Variants in KAZN observed in about 807,000 individuals in gnomAD.
KAZN encodes the protein kazrin.
A neutral mutation model predicts 87.4 loss-of-function variants in KAZN; 40 were observed. The observed-to-expected ratio is 0.46, with a 90% CI of 0.36 to 0.60. KAZN has a LOEUF of 0.60. Among genes scored for constraint, KAZN ranks in the 20% least tolerant of loss-of-function variants. The probability of loss-of-function intolerance (pLI) is 0.00; values close to 1 mark genes in which losing one functional copy is unlikely to be tolerated. For missense variants in KAZN, 898 were observed against 1,073.9 expected, an observed-to-expected ratio of 0.84 and a Z score of 2.29; for synonymous variants, 466 against 458.3, an observed-to-expected ratio of 1.02 and a Z score of -0.22.
chr1:14,244,854 T>C (rs148866420), intron 2 of KAZN, among the ~76,000 whole-genome samples: 2 of 152,286 alleles, frequency 1.3e-5, no homozygotes, highest in African/African-American at 4.8e-5. Context: ...GCCTTGTTAA[T>C]CAGTGCAGAC....
At chr1:13,998,771 A>T (rs141731681) in intron 1 of KAZN, among the ~76,000 whole-genome samples, 1 of 152,172 alleles carries the variant, frequency 6.6e-6, no homozygotes, top group African/African-American at 2.4e-5. Flanking sequence ...ATACTGGGAA[A>T]CTTTAACACC....
chr1:15,050,064 G>GA (rs1557756656), intron 4 of KAZN, among the ~76,000 whole-genome samples: 3 of 79,556 alleles, frequency 3.8e-5, no homozygotes, highest in East Asian at 2.5e-3. Flanking sequence ...GGTAGGGTAG[G>GA]GTAGAGTAGA....
chr1:14,135,799 G>A (rs1179272836), intron 1 of KAZN, among the ~76,000 whole-genome samples: 1 of 152,180 alleles, frequency 6.6e-6, no homozygotes, highest in African/African-American at 2.4e-5. Flanking sequence ...TGTCGCTCAA[G>A]TTTAACATGT....
At chr1:14,668,035 A>G (rs1468436635) in intron 1 of KAZN, among the ~76,000 whole-genome samples, 7 of 152,182 alleles carry the variant, frequency 4.6e-5, no homozygotes, top group Admixed American at 4.6e-4. Context: ...TAGGAAGATT[A>G]CCAGGGAAAA....
At chr1:14,505,940 C>T (rs1670562452) in intron 2 of KAZN, among the ~76,000 whole-genome samples, 1 of 151,976 alleles carries the variant, frequency 6.6e-6, no homozygotes. Flanking sequence ...TGCCACTGTA[C>T]TCCAGCCTGG....
chr1:14,431,112 T>C (rs1023387693), intron 2 of KAZN, among the ~76,000 whole-genome samples: 3 of 152,192 alleles, frequency 2.0e-5, no homozygotes, highest in African/African-American at 7.2e-5. Flanking sequence ...ACCAAATGAA[T>C]ACGCATATTG....
At chr1:14,423,081 G>A (rs1242130084) in intron 2 of KAZN, among the ~76,000 whole-genome samples, 1 of 152,148 alleles carries the variant, frequency 6.6e-6, no homozygotes, top group African/African-American at 2.4e-5. Flanking sequence ...GCAACTTGTT[G>A]GAAGATCCGA....
chr1:14,209,482 C>T (rs1342103490), intron 2 of KAZN, among the ~76,000 whole-genome samples: 2 of 152,172 alleles, frequency 1.3e-5, no homozygotes, highest in African/African-American at 2.4e-5. Flanking sequence ...AATCTGCCTG[C>T]CCTTCACAAA....
chr1:15,085,060 G>C (rs1288615803), intron 8 of KAZN, among the ~76,000 whole-genome samples: 1 of 151,966 alleles, frequency 6.6e-6, no homozygotes, highest in African/African-American at 2.4e-5. Flanking sequence ...AAAAAATATA[G>C]CTGATAACAT....
chr1:15,069,981 C>T (rs1639433862), intron 8 of KAZN, among the ~76,000 whole-genome samples: 1 of 152,192 alleles, frequency 6.6e-6, no homozygotes, highest in Non-Finnish European at 1.5e-5. Flanking sequence ...GCACTTTACA[C>T]ATATTAACTC....
In KAZN at chr1:14,468,340, C is replaced by A. The variant is rs552239898; in HGVS notation, c.250-130643C>A. Among the ~76,000 whole-genome samples, 3 of 152,276 alleles carry A rather than the reference C, an allele frequency of 2.0e-5. No individual in the cohort carries two copies. The East Asian group carries it at 5.8e-4, about 29-fold the overall frequency. On this transcript the variant is annotated intron_variant, in intron 2 of 16. Coordinates refer to the KAZN transcript ENST00000636203. ...GAAAATGGAACCTCACATCAAGAAG[C>A]ACTTGCTCTGCATCAGGCCCCTTTA...
At chr1:14,031,456 CAG>C (rs1161544101) in intron 1 of KAZN, among the ~76,000 whole-genome samples, 2 of 152,214 alleles carry the variant, frequency 1.3e-5, no homozygotes, top group African/African-American at 4.8e-5. Context: ...TCCATGTAGA[CAG>C]AGAATGGTTC....
At chr1:14,138,388 C>A (rs1645155984) in intron 1 of KAZN, among the ~76,000 whole-genome samples, 1 of 152,102 alleles carries the variant, frequency 6.6e-6, no homozygotes, top group Non-Finnish European at 1.5e-5. Context: ...AAGACCTGTT[C>A]CTTCTATGGT....
chr1:14,386,327 T>C (rs1182409010), intron 2 of KAZN, among the ~76,000 whole-genome samples: 1 of 148,140 alleles, frequency 6.8e-6, no homozygotes, highest in African/African-American at 2.5e-5. Flanking sequence ...AAAGTTAATA[T>C]TGTTATGTGT....
At chr1:14,240,629 C>T (rs1648851643) in intron 2 of KAZN, among the ~76,000 whole-genome samples, 1 of 152,242 alleles carries the variant, frequency 6.6e-6, no homozygotes, top group Non-Finnish European at 1.5e-5. Context: ...ACCTGCTTAT[C>T]AGCATCCACA....
At chr1:14,887,468 G>A (rs1654199786) in intron 1 of KAZN, among the ~76,000 whole-genome samples, 1 of 152,204 alleles carries the variant, frequency 6.6e-6, no homozygotes, top group Non-Finnish European at 1.5e-5. Context: ...GTACCACTGA[G>A]CTGATGGAAT....
intron 1 of KAZN, among the ~76,000 whole-genome samples, chr1:14,623,915 A>T (rs1215739641): frequency 6.6e-6 from 1 of 152,170 alleles, no homozygotes; most frequent in Non-Finnish European, 1.5e-5. Context: ...GTGTAACTTA[A>T]GTCCTTTAAT....
At chr1:14,245,107 C>T (rs1553149559) in intron 2 of KAZN, among the ~76,000 whole-genome samples, 1 of 151,944 alleles carries the variant, frequency 6.6e-6, no homozygotes, top group Non-Finnish European at 1.5e-5. Flanking sequence ...ATTACCAGTG[C>T]CCACCACCAC....
intron 2 of KAZN, among the ~76,000 whole-genome samples, chr1:14,256,793 A>G (rs899285046): frequency 2.6e-5 from 4 of 152,308 alleles, no homozygotes; most frequent in Admixed American, 2.6e-4. Flanking sequence ...ACAGGATAGT[A>G]AACCTAAATT....
Sources: gnomAD v4.1 joint callset for allele counts (sites outside exome capture counted in the v4.1 genomes callset) on GRCh38, gnomAD v4.1.1 for gene constraint, MANE v1.5 for transcripts, NCBI Gene and HGNC (gene_info 2026-07-23, HGNC 2026-07-21) for gene names.